The following JADE3 variants were observed in gnomAD, a reference collection of about 807,000 sequenced individuals.
JADE3 encodes protein Jade-3.
JADE3 carries 2 observed loss-of-function variants against 50.1 expected under a neutral mutation model. That is an observed-to-expected ratio of 0.04 (90% CI 0.02 to 0.13). The LOEUF is 0.13. Ranked by LOEUF, JADE3 falls within the 10% of genes least tolerant of loss-of-function variation. The probability of loss-of-function intolerance (pLI) is 1.00; values close to 1 mark genes in which losing one functional copy is unlikely to be tolerated. For missense variants in JADE3, 475 were observed against 634.4 expected (o/e 0.75, Z 2.70); for synonymous variants, 218 against 232.9 (o/e 0.94, Z 0.58).
At chrX:46,936,779 A>C (rs1926634083) in intron 1 of JADE3, among the ~76,000 whole-genome samples, 1 of 111,649 alleles carries the variant, frequency 9.0e-6, no homozygotes, top group South Asian at 3.7e-4. Flanking sequence ...TATCCTTTTA[A>C]TATCTGCAGG....
chrX:47,053,864 A>G (rs1228557575), intron 8 of JADE3, among the ~76,000 whole-genome samples: 1 of 111,862 alleles, frequency 8.9e-6, no homozygotes, highest in Admixed American at 9.5e-5. Context: ...CAGAGAAGAG[A>G]CTACATGACT....
At chrX:47,043,818 C>CA (rs782062343) in intron 8 of JADE3, among the ~76,000 whole-genome samples, 503 of 48,709 alleles carry the variant, frequency 0.01, 5 homozygotes, top group African/African-American at 0.028. Context: ...GACTCTGTTT[C>CA]AAAAAAAAAA....
chrX:47,037,862 A>G (rs376685846), intron 7 of JADE3, among the ~76,000 whole-genome samples: 4 of 111,335 alleles, frequency 3.6e-5, no homozygotes, highest in African/African-American at 9.8e-5. Flanking sequence ...TGTGCCATCA[A>G]ATAGTAGGTC....
chrX:46,921,287 C>G (rs1033647670), intron 1 of JADE3, among the ~76,000 whole-genome samples: 2 of 112,174 alleles, frequency 1.8e-5, no homozygotes, highest in African/African-American at 6.5e-5. Context: ...GCTATGTTCC[C>G]CGGGCTGGTC....
At chrX:46,923,845 A>G (rs894784467) in intron 1 of JADE3, among the ~76,000 whole-genome samples, 1 of 111,389 alleles carries the variant, frequency 9.0e-6, no homozygotes, top group African/African-American at 3.3e-5. Context: ...TATTGTTCTT[A>G]ACCATGGAGC....
At chrX:47,018,359 A>T (rs782694511) in intron 4 of JADE3, among the ~76,000 whole-genome samples, 2 of 107,884 alleles carry the variant, frequency 1.9e-5, no homozygotes, top group South Asian at 4.0e-4. Context: ...TTTGAGATGG[A>T]GTCTCGCTCT....
At chrX:46,996,321 C>T (rs1343429690) in intron 3 of JADE3, among the ~76,000 whole-genome samples, 1 of 112,383 alleles carries the variant, frequency 8.9e-6, no homozygotes, top group African/African-American at 3.2e-5. Flanking sequence ...AGGCGTGAGC[C>T]ACTGCACCCG....
chrX:46,954,548 TTTTTTATTTTTA>T (rs1314053998), intron 1 of JADE3, among the ~76,000 whole-genome samples: 1 of 111,351 alleles, frequency 9.0e-6, no homozygotes, highest in African/African-American at 3.3e-5. Context: ...GCATTCTTTA[TTTTTTATTTTTA>T]TTTTTATTTT....
chrX:46,933,761 A>G (rs1556340304), intron 1 of JADE3, among the ~76,000 whole-genome samples: 2 of 111,704 alleles, frequency 1.8e-5, no homozygotes, highest in African/African-American at 6.5e-5. Context: ...CAAAAAATCT[A>G]CTATTTAATG....
At position 47,027,290 on chromosome X, in the gene JADE3, G is replaced by C. The variant is rs185432105; in HGVS notation, c.476-602G>C. Among the ~76,000 whole-genome samples the C allele has an allele frequency of 8.9e-5, 10 of 112,124 alleles. No individual in the cohort carries two copies. The East Asian group carries it at 2.5e-3, about 28-fold the overall frequency. On this transcript the variant is annotated intron_variant, in intron 5 of 10. Transcript: ENST00000614628. Reference sequence around the variant, plus strand: ...GTGAATATTAACAGGTTTATATGTTGTTATAGTTTGCCATTGAAAAATATT... The same window carrying C: ...GTGAATATTAACAGGTTTATATGTTCTTATAGTTTGCCATTGAAAAATATT...
chrX:47,039,144 G>A (rs181346703), intron 8 of JADE3, 79 bp downstream of exon 8: 180 of 506,189 alleles, frequency 3.6e-4, no homozygotes, highest in African/African-American at 3.4e-3. Context: ...GTGTCCTGTC[G>A]ACTGAAAGGT....
At chrX:46,972,056 A>C (rs889745875) in intron 1 of JADE3, among the ~76,000 whole-genome samples, 7 of 111,757 alleles carry the variant, frequency 6.3e-5, no homozygotes, top group Non-Finnish European at 9.4e-5. Context: ...GTGTGAGCTA[A>C]ATCTAGCTTG....
intron 3 of JADE3, among the ~76,000 whole-genome samples, chrX:46,986,470 C>T (rs1927866141): frequency 8.9e-6 from 1 of 112,357 alleles, no homozygotes; most frequent in Admixed American, 9.4e-5. Flanking sequence ...CACATAGTGC[C>T]TGGCTTTAGA....
chrX:46,938,778 AT>A (rs1336692637), intron 1 of JADE3, among the ~76,000 whole-genome samples: 2 of 111,431 alleles, frequency 1.8e-5, no homozygotes, highest in South Asian at 7.5e-4. Context: ...CTGTGTTGAC[AT>A]TTTTTTTACC....
At chrX:47,019,620 T>A (rs1928751413) in intron 4 of JADE3, among the ~76,000 whole-genome samples, 1 of 112,305 alleles carries the variant, frequency 8.9e-6, no homozygotes, top group Admixed American at 9.4e-5. Flanking sequence ...TTTTATGCAG[T>A]TTCTGCAGTG....
At chrX:46,972,476 G>T (rs1404070842) in intron 1 of JADE3, among the ~76,000 whole-genome samples, 1 of 112,306 alleles carries the variant, frequency 8.9e-6, no homozygotes, top group Non-Finnish European at 1.9e-5. Flanking sequence ...GATTACAGGC[G>T]TGAGCCACTG....
rs1453378134 is a variant in JADE3 at position 46,912,471 on chromosome X, G to A, written c.-260G>A. ...CCGCGCCGCCTCAGCCGCCGCCGCC[G>A]CCCAACCGCCTGCCCAGCGCTGAGG... On this transcript the variant is annotated 5_prime_UTR_variant, in exon 1 of 11. Coordinates refer to ENST00000614628, the MANE Select transcript of JADE3 (RefSeq NM_014735.5). 2 of 112,289 alleles carry A rather than the reference G, an allele frequency of 1.8e-5. No homozygotes were observed. Among genetic ancestry groups the A allele is most frequent in the Non-Finnish European group, 3.8e-5 (2 of 53,263 alleles). The allele number at this position is 112,289 out of a possible 1,213,427, so 9.3% of individuals were successfully genotyped here.
intron 1 of JADE3, among the ~76,000 whole-genome samples, chrX:46,928,076 A>T (rs1285118816): frequency 8.9e-6 from 1 of 112,139 alleles, no homozygotes; most frequent in Non-Finnish European, 1.9e-5. Context: ...ACTGGGTGGA[A>T]CAAAAAGTCT....
intron 8 of JADE3, among the ~76,000 whole-genome samples, chrX:47,046,150 A>G (rs1276109761): frequency 9.0e-6 from 1 of 111,558 alleles, no homozygotes; most frequent in African/African-American, 3.2e-5. Context: ...GAGAAAAAAA[A>G]AGAGAGAAAC....
Sources: gnomAD v4.1 joint callset for allele counts (sites outside exome capture counted in the v4.1 genomes callset) on GRCh38, gnomAD v4.1.1 for gene constraint, MANE v1.5 for transcripts, NCBI Gene and HGNC (gene_info 2026-07-23, HGNC 2026-07-21) for gene names.